Variants in LARGE1 observed in about 807,000 individuals in gnomAD.
LARGE1 encodes LARGE xylosyl- and glucuronyltransferase 1, also known as xylosyl- and glucuronyltransferase LARGE1.
Under a neutral mutation model 87.6 loss-of-function variants are expected in LARGE1, and 43 were observed. The observed-to-expected ratio is 0.49, with a 90% confidence interval of 0.38 to 0.63. The LOEUF is 0.63. Among genes scored for constraint, LARGE1 ranks in the 30% least tolerant of loss-of-function variants. LARGE1 has a pLI of 0.00. For synonymous variants in LARGE1, 434 were observed against 394.6 expected, an observed-to-expected ratio of 1.10 and a Z score of -1.18; for missense variants, 802 against 1,000.2, an observed-to-expected ratio of 0.80 and a Z score of 2.67.
At chr22:33,728,666 C>A (rs978000099) in intron 2 of LARGE1, among the ~76,000 whole-genome samples, 1 of 151,978 alleles carries the variant, frequency 6.6e-6, no homozygotes, top group African/African-American at 2.4e-5. Flanking sequence ...AGACACACTC[C>A]CAGTAGGCAA....
intron 8 of LARGE1, 143 bp from the exon 9 acceptor site, chr22:33,382,187 ATC>A (rs746054639): frequency 1.4e-4 from 142 of 1,022,992 alleles, no homozygotes; most frequent in Admixed American, 2.0e-4. Flanking sequence ...ACTGTGAGGC[ATC>A]TCTCTTGCCT....
At chr22:33,668,632 T>C (rs944275376) in intron 2 of LARGE1, among the ~76,000 whole-genome samples, 3 of 152,184 alleles carry the variant, frequency 2.0e-5, no homozygotes, top group Non-Finnish European at 2.9e-5. Flanking sequence ...TGCTAGTGCA[T>C]TGATCACTCA....
intron 6 of LARGE1, among the ~76,000 whole-genome samples, chr22:33,517,556 A>G (rs2071372666): frequency 6.6e-6 from 1 of 151,944 alleles, no homozygotes; most frequent in South Asian, 2.1e-4. Context: ...AAATATTAGC[A>G]CCCGCCCGGC....
chr22:33,176,558 G>C (rs180698583), intron 11 of LARGE1, among the ~76,000 whole-genome samples: 1 of 152,274 alleles, frequency 6.6e-6, no homozygotes, highest in East Asian at 1.9e-4. Flanking sequence ...ATGACAAAAT[G>C]CTCATCATCA....
intron 2 of LARGE1, among the ~76,000 whole-genome samples, chr22:33,672,705 G>A (rs1006627341): frequency 1.3e-5 from 2 of 152,200 alleles, no homozygotes; most frequent in African/African-American, 4.8e-5. Flanking sequence ...TTGCTGACAT[G>A]TAAAAACTCA....
chr22:33,685,011 C>A (rs1440975665), intron 2 of LARGE1, among the ~76,000 whole-genome samples: 1 of 152,178 alleles, frequency 6.6e-6, no homozygotes, highest in African/African-American at 2.4e-5. Context: ...CCAATCCTAG[C>A]ACTGCCAGCT....
At chr22:33,829,519 T>C (rs2146320532) in intron 1 of LARGE1, among the ~76,000 whole-genome samples, 1 of 152,264 alleles carries the variant, frequency 6.6e-6, no homozygotes, top group East Asian at 1.9e-4. Context: ...CTTAGTACAG[T>C]TCCTGGCACA....
intron 1 of LARGE1, among the ~76,000 whole-genome samples, chr22:33,804,314 T>C (rs1157500379): frequency 6.6e-6 from 1 of 152,204 alleles, no homozygotes; most frequent in Non-Finnish European, 1.5e-5. Flanking sequence ...AGCCAACGTA[T>C]ATGCAAAAAC....
chr22:33,763,076 A>C (rs1392040380), intron 1 of LARGE1, among the ~76,000 whole-genome samples: 2 of 152,102 alleles, frequency 1.3e-5, no homozygotes, highest in Non-Finnish European at 2.9e-5. Context: ...TCCTTTCCCC[A>C]CCAGCCTTAG....
chr22:33,423,088 A>G (rs2066752191), intron 7 of LARGE1, among the ~76,000 whole-genome samples: 2 of 151,466 alleles, frequency 1.3e-5, no homozygotes, highest in African/African-American at 4.9e-5. Flanking sequence ...CTGTTATCTG[A>G]TACTTTACCA....
chr22:33,630,112 T>A lies in LARGE1; in HGVS notation c.409-3786A>T, dbSNP rs369494860. On this transcript the variant is annotated intron_variant, in intron 3 of 14. Coordinates refer to ENST00000397394, the MANE Select transcript of LARGE1 (RefSeq NM_133642.5). The stretch of plus-strand genomic sequence containing the variant: ...TACTCAGGAGGCTGAGGCAGGAGAA[T>A]CGCTTGAACCTGGGAGGCAGAGGTT... 2.6e-5 allele frequency among the ~76,000 whole-genome samples: 4 copies of A among 152,148 alleles called. No homozygotes were observed. In the South Asian group the frequency reaches 6.2e-4, roughly 24 times the overall value.
At chr22:33,166,552 C>A (rs1429615606) in exon 12 of LARGE1, 1 of 348,422 alleles carries the variant, frequency 2.9e-6, no homozygotes, top group African/African-American at 2.2e-5. Flanking sequence ...TTCAATCTTT[C>A]CACAGGGATG....
At chr22:33,511,875 C>T (rs1195859050) in intron 6 of LARGE1, among the ~76,000 whole-genome samples, 2 of 152,210 alleles carry the variant, frequency 1.3e-5, no homozygotes. Context: ...AACTGTCTAA[C>T]TGCAATGGCT....
intron 2 of LARGE1, among the ~76,000 whole-genome samples, chr22:33,680,668 A>G (rs1045827961): frequency 6.6e-6 from 1 of 152,278 alleles, no homozygotes; most frequent in East Asian, 1.9e-4. Flanking sequence ...GCCGCCCATG[A>G]GTGTGAAAGA....
intron 1 of LARGE1, among the ~76,000 whole-genome samples, chr22:33,817,163 C>T (rs1231623533): frequency 1.3e-5 from 2 of 152,024 alleles, no homozygotes; most frequent in African/African-American, 2.4e-5. Flanking sequence ...CCCTATGGTT[C>T]GCCTCTGCCA....
chr22:33,914,036 C>T (rs571477599), intron 1 of LARGE1, among the ~76,000 whole-genome samples: 134 of 152,264 alleles, frequency 8.8e-4, no homozygotes, highest in Non-Finnish European at 1.8e-3. Context: ...GTTTTAAGAT[C>T]ACATTTTATA....
intron 6 of LARGE1, among the ~76,000 whole-genome samples, chr22:33,469,043 C>G (rs2068726307): frequency 1.3e-5 from 2 of 152,270 alleles, no homozygotes; most frequent in South Asian, 4.1e-4. Flanking sequence ...ATAACAGATG[C>G]TGGTGAGGTT....
In LARGE1 at chr22:33,747,982, GCTGTGTGCCAGAAATGGGGCA is replaced by G. The variant is rs550669598; in HGVS notation, c.106+13368_106+13388del. On this transcript the variant is annotated intron_variant, in intron 2 of 14. Transcript: ENST00000397394. ...ACACCACCTCAAGCATCCATCACTG[GCTGTGTGCCAGAAATGGGGCA>G]CTGTGTGCCCTCTGCTGGAGCAAAA... 5.4e-3 allele frequency among the ~76,000 whole-genome samples: 762 copies of G among 140,662 alleles called. 8 individuals carry two copies. The highest frequency in any genetic ancestry group is 0.02 in the African/African-American group (726 of 35,832). 92.3% of individuals were successfully genotyped at this position (140,662 alleles called of 152,430 possible). A position where few individuals can be genotyped will look rare whatever the true frequency, so the allele number is the denominator to read the frequency against.
At chr22:33,422,776 TA>T (rs2066738810) in intron 7 of LARGE1, among the ~76,000 whole-genome samples, 2 of 151,974 alleles carry the variant, frequency 1.3e-5, no homozygotes, top group South Asian at 4.2e-4. Flanking sequence ...TACACACTTT[TA>T]AACAACCAGA....
Sources: gnomAD v4.1 joint callset for allele counts (sites outside exome capture counted in the v4.1 genomes callset) on GRCh38, gnomAD v4.1.1 for gene constraint, MANE v1.5 for transcripts, NCBI Gene and HGNC (gene_info 2026-07-23, HGNC 2026-07-21) for gene names.